Variants in SS18 observed in about 807,000 individuals in gnomAD.
SS18 encodes the protein protein SSXT.
In SS18, 28 loss-of-function variants were observed where a neutral mutation model predicts 72.5. The observed-to-expected ratio is 0.39, with a 90% CI of 0.29 to 0.53. The LOEUF (loss-of-function observed/expected upper bound fraction) is 0.53. Ranked by LOEUF, SS18 falls within the 20% of genes least tolerant of loss-of-function variation. The probability of loss-of-function intolerance (pLI) is 0.76; values close to 1 mark genes in which losing one functional copy is unlikely to be tolerated. For missense variants in SS18, 518 were observed against 535.3 expected (o/e 0.97, Z 0.32); for synonymous variants, 172 against 164.2 (o/e 1.05, Z -0.37).
intron 3 of SS18, among the ~76,000 whole-genome samples, chr18:26,060,955 CAAAA>C (rs768913124): frequency 1.1e-5 from 1 of 91,800 alleles, no homozygotes; most frequent in African/African-American, 3.5e-5. Flanking sequence ...AACTTTGTCT[CAAAA>C]AAAAAAAAAA....
At chr18:26,073,704 A>C (rs2054357435) in intron 3 of SS18, among the ~76,000 whole-genome samples, 1 of 152,216 alleles carries the variant, frequency 6.6e-6, no homozygotes, top group African/African-American at 2.4e-5. Flanking sequence ...TGAAGCAGTA[A>C]AAATTATTTT....
chr18:26,039,581 T>C, intron 5 of SS18, 125 bp from the exon 6 acceptor site: 1 of 818,970 alleles, frequency 1.2e-6, no homozygotes, highest in Non-Finnish European at 1.7e-6. Flanking sequence ...AAAAACTGAT[T>C]TCAAATAATA....
intron 1 of SS18, chr18:26,090,136 A>C: frequency 4.3e-6 from 1 of 232,404 alleles, no homozygotes; most frequent in Non-Finnish European, 8.3e-6. Flanking sequence ...ACGCCAAAGT[A>C]ACTCCGGAGC....
At chr18:26,083,539 T>C (rs1253913088) in intron 2 of SS18, among the ~76,000 whole-genome samples, 4 of 152,186 alleles carry the variant, frequency 2.6e-5, no homozygotes, top group Admixed American at 6.5e-5. Flanking sequence ...GTATAGCTTA[T>C]TGCTCCTAGG....
chr18:26,076,784 A>T (rs1568029003), intron 3 of SS18, among the ~76,000 whole-genome samples: 2 of 152,020 alleles, frequency 1.3e-5, no homozygotes, highest in African/African-American at 4.8e-5. Context: ...GAGAAACAAA[A>T]TTTCAACATA....
chr18:26,024,973 T>C (rs915086196), intron 10 of SS18, among the ~76,000 whole-genome samples: 13 of 152,100 alleles, frequency 8.5e-5, no homozygotes, highest in African/African-American at 2.9e-4. Flanking sequence ...AAATTATTAT[T>C]CTAATACTAA....
At chr18:26,055,159 C>T (rs113864756) in intron 4 of SS18, among the ~76,000 whole-genome samples, 5,068 of 151,936 alleles carry the variant, frequency 0.033, 268 homozygotes, top group African/African-American at 0.12. Flanking sequence ...TATTACCTAG[C>T]TTTTAAAAAA....
chr18:26,050,281 T>C (rs760372207), intron 5 of SS18, among the ~76,000 whole-genome samples: 12 of 150,422 alleles, frequency 8.0e-5, no homozygotes, highest in Middle Eastern at 3.5e-3. Context: ...CTGGAAGCAA[T>C]AGACCCTCTA....
intron 2 of SS18, among the ~76,000 whole-genome samples, 172 bp downstream of exon 2, chr18:26,087,329 C>CA (rs1486139400): frequency 6.6e-6 from 1 of 152,144 alleles, no homozygotes; most frequent in Non-Finnish European, 1.5e-5. Flanking sequence ...AAAACTGACT[C>CA]ACGTAATACC....
intron 5 of SS18, among the ~76,000 whole-genome samples, chr18:26,050,876 T>C (rs1234187954): frequency 1.7e-4 from 26 of 152,034 alleles, no homozygotes; most frequent in Non-Finnish European, 1.5e-5. Context: ...GCCACTGCAC[T>C]CCAGCCTGGG....
Position 26,039,463 on chromosome 18 carries a change from C to G in SS18, c.608-7G>C. Reference sequence around the variant, plus strand: ...TGCTGATGCATCATTGGACCTGAAACAAGACACAACATTATACACATAATT... The same window carrying G: ...TGCTGATGCATCATTGGACCTGAAAGAAGACACAACATTATACACATAATT... On this transcript the variant is annotated splice_polypyrimidine_tract_variant and splice_region_variant and intron_variant, in intron 5 of 10. Transcript: ENST00000415083. 6.2e-7 allele frequency: 1 copy of G among 1,610,280 alleles called. No individual in the cohort carries two copies. The highest frequency in any genetic ancestry group is 8.5e-7 in the Non-Finnish European group (1 of 1,177,576).
At chr18:26,045,388 G>A (rs564775124) in intron 5 of SS18, among the ~76,000 whole-genome samples, 4 of 152,118 alleles carry the variant, frequency 2.6e-5, no homozygotes, top group South Asian at 4.2e-4. Flanking sequence ...GCTCCAGTTC[G>A]ACGGGTCTCC....
intron 3 of SS18, among the ~76,000 whole-genome samples, chr18:26,063,057 C>T (rs2054151623): frequency 6.6e-6 from 1 of 152,172 alleles, no homozygotes; most frequent in Non-Finnish European, 1.5e-5. Flanking sequence ...AATAACTGTT[C>T]AATACACATT....
intron 3 of SS18, among the ~76,000 whole-genome samples, chr18:26,060,842 G>A (rs1448139935): frequency 4.4e-5 from 6 of 135,304 alleles, no homozygotes. Context: ...TGTAGTCCCT[G>A]ATACTTGGGA....
At chr18:26,028,417 G>A (rs908164884) in intron 10 of SS18, among the ~76,000 whole-genome samples, 1 of 152,122 alleles carries the variant, frequency 6.6e-6, no homozygotes, top group African/African-American at 2.4e-5. Context: ...GCAGTTTGTT[G>A]AATTAAATAT....
chr18:26,016,655 G>A lies in SS18; in HGVS notation c.*1699C>T, dbSNP rs1392482558. 8 of 189,322 alleles carry A rather than the reference G, an allele frequency of 4.2e-5. No homozygotes were observed. The highest frequency in any genetic ancestry group is 1.2e-4 in the Admixed American group (2 of 16,192). The allele number at this position is 189,322 out of a possible 1,614,324, so 11.7% of individuals were successfully genotyped here. ...GGAGAACTGCTTGAACCTGGGAGGCGGAGGTTGCAGTGAGCTGAGATTGCG... is the reference window on the plus strand; with the variant it reads ...GGAGAACTGCTTGAACCTGGGAGGCAGAGGTTGCAGTGAGCTGAGATTGCG... On this transcript the variant is annotated 3_prime_UTR_variant, in exon 11 of 11. Coordinates refer to ENST00000415083, the MANE Select transcript of SS18 (RefSeq NM_001007559.3).
intron 5 of SS18, among the ~76,000 whole-genome samples, chr18:26,041,533 A>C (rs2053723194): frequency 6.6e-6 from 1 of 152,242 alleles, no homozygotes; most frequent in Admixed American, 6.5e-5. Flanking sequence ...TAATTTTCAA[A>C]TATATGTTGC....
intron 3 of SS18, among the ~76,000 whole-genome samples, chr18:26,058,548 C>A (rs2054065578): frequency 6.6e-6 from 1 of 152,180 alleles, no homozygotes; most frequent in African/African-American, 2.4e-5. Flanking sequence ...ATGTAATGTC[C>A]ATTCCTGTAT....
intron 3 of SS18, among the ~76,000 whole-genome samples, chr18:26,067,215 A>C (rs1327148509): frequency 6.6e-6 from 1 of 152,222 alleles, no homozygotes; most frequent in Non-Finnish European, 1.5e-5. Flanking sequence ...AAAATGTTTT[A>C]ACTAGACACC....
Sources: allele counts gnomAD v4.1 joint callset (sites outside exome capture counted in the v4.1 genomes callset), GRCh38; gene constraint gnomAD v4.1.1; transcripts MANE v1.5; gene names NCBI Gene and HGNC (gene_info 2026-07-23, HGNC 2026-07-21).